MAGI2: variants seen among roughly 807,000 people sequenced by gnomAD.
MAGI2 encodes the protein membrane-associated guanylate kinase, WW and PDZ domain-containing protein 2.
MAGI2 carries 35 observed loss-of-function variants against 133.3 expected under a neutral mutation model. That is an observed-to-expected ratio of 0.26 (90% CI 0.20 to 0.35). MAGI2 has a LOEUF of 0.35. Among genes scored for constraint, MAGI2 ranks in the 10% least tolerant of loss-of-function variants. The pLI is 1.00. For synonymous variants in MAGI2, 729 were observed against 710.6 expected (o/e 1.03, Z -0.41); for missense variants, 1,636 against 1,863.4 (o/e 0.88, Z 2.25).
chr7:79,390,928 T>G (rs370601619), intron 1 of MAGI2, among the ~76,000 whole-genome samples: 2 of 152,154 alleles, frequency 1.3e-5, no homozygotes, highest in African/African-American at 4.8e-5. Flanking sequence ...CCATCATCTG[T>G]GTAGAGGCTC....
intron 2 of MAGI2, among the ~76,000 whole-genome samples, chr7:78,961,664 C>A (rs1358641232): frequency 6.6e-6 from 1 of 152,060 alleles, no homozygotes; most frequent in Non-Finnish European, 1.5e-5. Flanking sequence ...AAAAAGGTGA[C>A]TCTTGAGCCC....
chr7:79,214,650 T>TA (rs1585221860), intron 1 of MAGI2, among the ~76,000 whole-genome samples: 1 of 140,622 alleles, frequency 7.1e-6, no homozygotes, highest in Non-Finnish European at 1.5e-5. Context: ...TATTTATAAT[T>TA]TTATATATTT....
At chr7:79,441,892 C>A (rs1225561362) in intron 1 of MAGI2, among the ~76,000 whole-genome samples, 1 of 152,022 alleles carries the variant, frequency 6.6e-6, no homozygotes, top group Non-Finnish European at 1.5e-5. Context: ...GAAAGCAGGT[C>A]TCTCATTTTA....
At chr7:79,265,632 T>C (rs1387005050) in intron 1 of MAGI2, among the ~76,000 whole-genome samples, 3 of 152,166 alleles carry the variant, frequency 2.0e-5, no homozygotes, top group Non-Finnish European at 4.4e-5. Context: ...TAGTCTTGAA[T>C]GTTACGTTTT....
intron 9 of MAGI2, among the ~76,000 whole-genome samples, chr7:78,317,922 A>G (rs1192047470): frequency 6.6e-6 from 1 of 152,228 alleles, no homozygotes; most frequent in Non-Finnish European, 1.5e-5. Context: ...GAATAGCATC[A>G]GCATCAACAA....
chr7:78,312,953 T>C (rs892178241), intron 9 of MAGI2, among the ~76,000 whole-genome samples: 2 of 150,908 alleles, frequency 1.3e-5, no homozygotes, highest in African/African-American at 2.4e-5. Context: ...TATGTGTATA[T>C]AGATATATGT....
At chr7:79,006,987 A>C (rs1487696866) in intron 2 of MAGI2, 103 bp downstream of exon 2, 1 of 817,576 alleles carries the variant, frequency 1.2e-6, no homozygotes, top group East Asian at 2.9e-5. Context: ...CCAAAAGCCC[A>C]CTATAAAAAA....
At chr7:78,403,247 G>A (rs908913294) in intron 6 of MAGI2, among the ~76,000 whole-genome samples, 17 of 151,978 alleles carry the variant, frequency 1.1e-4, no homozygotes, top group Non-Finnish European at 2.4e-4. Flanking sequence ...GAGAACATGC[G>A]GTGTTTGGTT....
chr7:79,097,657 C>T (rs1817633267), intron 1 of MAGI2, among the ~76,000 whole-genome samples: 1 of 152,170 alleles, frequency 6.6e-6, no homozygotes, highest in South Asian at 2.1e-4. Flanking sequence ...AGAAGTACTG[C>T]ATATAGGAAA....
chr7:78,289,738 T>C (rs920580485), intron 9 of MAGI2, among the ~76,000 whole-genome samples: 1 of 152,166 alleles, frequency 6.6e-6, no homozygotes, highest in African/African-American at 2.4e-5. Flanking sequence ...AGGAAGCCCG[T>C]CAGACTAACA....
intron 6 of MAGI2, among the ~76,000 whole-genome samples, chr7:78,439,931 G>A (rs1231902955): frequency 1.3e-5 from 2 of 151,972 alleles, no homozygotes; most frequent in African/African-American, 2.4e-5. Flanking sequence ...CACTTAAAAC[G>A]TGTCTAGTGC....
intron 21 of MAGI2, among the ~76,000 whole-genome samples, chr7:78,037,207 G>T (rs2151076081): frequency 6.6e-6 from 1 of 152,110 alleles, no homozygotes; most frequent in African/African-American, 2.4e-5. Context: ...GGGGTCACAG[G>T]CCCCTCTTTG....
intron 10 of MAGI2, among the ~76,000 whole-genome samples, chr7:78,227,400 A>G (rs1217498040): frequency 6.6e-6 from 1 of 152,146 alleles, no homozygotes; most frequent in Non-Finnish European, 1.5e-5. Flanking sequence ...ATGAACTTTC[A>G]CCAGAGTTCT....
intron 21 of MAGI2, among the ~76,000 whole-genome samples, chr7:78,032,614 C>A (rs965280478): frequency 6.6e-6 from 1 of 152,134 alleles, no homozygotes; most frequent in East Asian, 1.9e-4. Flanking sequence ...ATGGACCTTA[C>A]TATCAAACTG....
chr7:78,035,566 A>C (rs529379678), intron 21 of MAGI2, among the ~76,000 whole-genome samples: 1 of 152,158 alleles, frequency 6.6e-6, no homozygotes, highest in South Asian at 2.1e-4. Context: ...TTTTTTCAGA[A>C]CGTCTCTCGG....
At chr7:78,102,105 A>G (rs531525746) in intron 20 of MAGI2, among the ~76,000 whole-genome samples, 1 of 152,344 alleles carries the variant, frequency 6.6e-6, no homozygotes, top group Admixed American at 6.5e-5. Flanking sequence ...AGCCAGACAC[A>G]GAAAGACAAA....
intron 10 of MAGI2, among the ~76,000 whole-genome samples, chr7:78,243,072 AAAAT>A (rs1020544849): frequency 6.6e-6 from 1 of 152,106 alleles, no homozygotes; most frequent in African/African-American, 2.4e-5. Context: ...ACCCTGTCTC[AAAAT>A]AAATAAATAA....
chr7:78,754,899 AG>A (rs1216915947), intron 2 of MAGI2, among the ~76,000 whole-genome samples: 1 of 152,236 alleles, frequency 6.6e-6, no homozygotes, highest in Non-Finnish European at 1.5e-5. Flanking sequence ...CTGCTTCCTG[AG>A]GAAGTCCTTT....
rs1845616642 is a variant in MAGI2, at chr7:79,403,676, CTG to C, written c.301+49342_301+49343del. 2.6e-5 allele frequency among the ~76,000 whole-genome samples: 4 copies of C among 152,100 alleles called. No homozygotes were observed. In the South Asian group the frequency reaches 6.2e-4, roughly 24 times the overall value. On this transcript the variant is annotated intron_variant, in intron 1 of 21. Coordinates refer to ENST00000354212, the MANE Select transcript of MAGI2 (RefSeq NM_012301.4). Reference sequence around the variant, plus strand: ...AAAAATGAAAATTTCAAAATCTAAACTGTGTGTTCTACTTCCGAAGCCACACA... The same window carrying C: ...AAAAATGAAAATTTCAAAATCTAAACTGTGTTCTACTTCCGAAGCCACACA...
Sources: allele counts gnomAD v4.1 joint callset (sites outside exome capture counted in the v4.1 genomes callset), GRCh38; gene constraint gnomAD v4.1.1; transcripts MANE v1.5; gene names NCBI Gene and HGNC (gene_info 2026-07-23, HGNC 2026-07-21).